Variants in RAB11FIP2 observed in about 807,000 individuals in gnomAD.
The protein encoded by RAB11FIP2 is RAB11 family interacting protein 2.
Under a neutral mutation model 40.9 loss-of-function variants are expected in RAB11FIP2, and 16 were observed. That is an observed-to-expected ratio of 0.39 (90% CI 0.26 to 0.59). RAB11FIP2 has a LOEUF of 0.59. RAB11FIP2 is among the 20% of genes least tolerant of loss of function. RAB11FIP2 has a pLI of 0.53. For synonymous variants in RAB11FIP2, 228 were observed against 213.7 expected, an observed-to-expected ratio of 1.07 and a Z score of -0.58; for missense variants, 532 against 606.2, an observed-to-expected ratio of 0.88 and a Z score of 1.28.
In RAB11FIP2 at chr10:118,005,425, T is replaced by C. The variant is rs1014086536; in HGVS notation, c.*3573A>G. On this transcript the variant is annotated 3_prime_UTR_variant, in exon 5 of 5. Coordinates refer to ENST00000355624, the MANE Select transcript of RAB11FIP2 (RefSeq NM_014904.3). ...ATTGCATATTAAATACTTCCAATGATTGCATCTGGATTATTAAAGTTCTAC... is the reference window on the plus strand; with the variant it reads ...ATTGCATATTAAATACTTCCAATGACTGCATCTGGATTATTAAAGTTCTAC... The C allele has an allele frequency of 3.9e-5, 6 of 152,758 alleles. No homozygotes were observed. In the Middle Eastern group the frequency reaches 0.01, roughly 260 times the overall value. The allele number at this position is 152,758 out of a possible 1,614,324, so 9.5% of individuals were successfully genotyped here.
At chr10:118,011,625 A>C (rs1159798585) in intron 4 of RAB11FIP2, among the ~76,000 whole-genome samples, 1 of 152,104 alleles carries the variant, frequency 6.6e-6, no homozygotes, top group Non-Finnish European at 1.5e-5. Context: ...GAGAGAAAGC[A>C]ACTTGGGTCT....
In RAB11FIP2 at chr10:118,045,992, G is replaced by T; in HGVS notation, c.172C>A (p.Pro58Thr). The change falls in exon 1 of 5, where the codon CCA (proline) becomes ACA (threonine). Residue 58 changes from proline to threonine, a missense_variant. Coordinates refer to ENST00000355624, the MANE Select transcript of RAB11FIP2 (RefSeq NM_014904.3). ...STSVAEKTLE[P>T]VWKEEASFEL... ...AAAGAGGCCTCCTCCTTCCAAACTG[G>T]CTCAAGGGTTTTCTCAGCTACAGAG... 1 of 1,614,192 alleles carries T rather than the reference G, an allele frequency of 6.2e-7. No individual in the cohort carries two copies. Among genetic ancestry groups the T allele is most frequent in the Non-Finnish European group, 8.5e-7 (1 of 1,180,046 alleles).
intron 3 of RAB11FIP2, among the ~76,000 whole-genome samples, chr10:118,035,260 T>G (rs765393737): frequency 2.6e-5 from 4 of 152,198 alleles, no homozygotes; most frequent in Non-Finnish European, 4.4e-5. Context: ...AAACTTTTGC[T>G]GTGATAAGCC....
In RAB11FIP2 at chr10:118,010,963, G is replaced by A. The variant is rs1234833788; in HGVS notation, c.1312-1738C>T. 2.0e-5 allele frequency among the ~76,000 whole-genome samples: 3 copies of A among 151,966 alleles called. No individual in the cohort carries two copies. The East Asian group carries it at 5.8e-4, about 29-fold the overall frequency. ...AAATAGACCACCAAGAATGCTGAAT[G>A]GTAGTATAAAGAATTTTTAGACTTT... On this transcript the variant is annotated intron_variant, in intron 4 of 4. Transcript: ENST00000355624.
intron 1 of RAB11FIP2, 66 bp downstream of exon 1, chr10:118,045,745 C>G: frequency 7.5e-7 from 1 of 1,331,644 alleles, no homozygotes; most frequent in Non-Finnish European, 1.0e-6. Context: ...GGATAATTTC[C>G]AAGAACAGAA....
intron 1 of RAB11FIP2, chr10:118,043,535 T>C (rs1846588962): frequency 6.6e-6 from 1 of 152,066 alleles, no homozygotes; most frequent in African/African-American, 2.4e-5. Flanking sequence ...TCCCCATTCC[T>C]TAAGAGAGAA....
Position 118,046,518 on chromosome 10 carries a change from C to CG in RAB11FIP2, c.-356_-355insC. 1.0e-5 allele frequency: 2 copies of CG among 198,468 alleles called. No homozygotes were observed. Among genetic ancestry groups the CG allele is most frequent in the Non-Finnish European group, 2.0e-5 (2 of 98,526 alleles). 12.3% of individuals were successfully genotyped at this position (198,468 alleles called of 1,614,324 possible). A position where few individuals can be genotyped will look rare whatever the true frequency, so the allele number is the denominator to read the frequency against. ...GGAGGGCTGCGGGGGTGAAGGGAGC[C>CG]CCCGCCCCAATTCTGCACCCCTGGC... On this transcript the variant is annotated 5_prime_UTR_variant, in exon 1 of 5. Coordinates refer to ENST00000355624, the MANE Select transcript of RAB11FIP2 (RefSeq NM_014904.3).
At chr10:118,014,151 T>C (rs1208368978) in intron 4 of RAB11FIP2, among the ~76,000 whole-genome samples, 1 of 152,092 alleles carries the variant, frequency 6.6e-6, no homozygotes, top group Non-Finnish European at 1.5e-5. Flanking sequence ...TAGAATGGTT[T>C]AGAAAATAAA....
Position 118,039,338 on chromosome 10 carries a change from T to C in RAB11FIP2, c.899A>G (p.Gln300Arg). 1.2e-6 allele frequency: 2 copies of C among 1,613,732 alleles called. No individual in the cohort carries two copies. Among genetic ancestry groups the C allele is most frequent in the Non-Finnish European group, 1.7e-6 (2 of 1,179,706 alleles). The part of the protein sequence containing the change: ...VDEGELCFGR[Q>R]NDPFTNVTAS... ...AGTCACATTTGTAAATGGGTCATTT[T>C]GTCTTCCGAAACACAATTCACCTTC... The change falls in exon 3 of 5, where the codon CAA becomes CGA. Residue 300 changes from glutamine to arginine, a missense_variant. Coordinates refer to ENST00000355624, the MANE Select transcript of RAB11FIP2 (RefSeq NM_014904.3).
chr10:118,025,024 C>T (rs1407964431), intron 3 of RAB11FIP2, among the ~76,000 whole-genome samples: 1 of 151,654 alleles, frequency 6.6e-6, no homozygotes, highest in African/African-American at 2.4e-5. Context: ...ACACTTGCTT[C>T]TTAGAAGCAA....
intron 1 of RAB11FIP2, 191 bp downstream of exon 1, chr10:118,045,620 T>G: frequency 1.8e-6 from 1 of 555,958 alleles, no homozygotes; most frequent in Non-Finnish European, 3.2e-6. Flanking sequence ...GGATCATTAA[T>G]GATTCCATTT....
chr10:118,012,231 T>C (rs549863782), intron 4 of RAB11FIP2, among the ~76,000 whole-genome samples: 1 of 152,118 alleles, frequency 6.6e-6, no homozygotes, highest in South Asian at 2.1e-4. Flanking sequence ...ATTTTTTTTT[T>C]CCTTACAACA....
chr10:118,013,673 C>T (rs1846182325), intron 4 of RAB11FIP2, among the ~76,000 whole-genome samples: 1 of 152,044 alleles, frequency 6.6e-6, no homozygotes, highest in Admixed American at 6.6e-5. Flanking sequence ...AATCCTTTAA[C>T]TGTCATTTAG....
At chr10:118,024,089 T>TAAA (rs11410516) in intron 3 of RAB11FIP2, among the ~76,000 whole-genome samples, 1 of 127,000 alleles carries the variant, frequency 7.9e-6, no homozygotes, top group Non-Finnish European at 1.7e-5. Flanking sequence ...GACTCTGTCT[T>TAAA]AAAAAAAAAA....
intron 3 of RAB11FIP2, among the ~76,000 whole-genome samples, chr10:118,032,017 G>C (rs1019593108): frequency 1.3e-5 from 2 of 151,812 alleles, no homozygotes; most frequent in African/African-American, 4.8e-5. Context: ...ATCACACAGA[G>C]TAGTAGGCTT....
intron 3 of RAB11FIP2, among the ~76,000 whole-genome samples, chr10:118,021,465 C>T (rs1289282414): frequency 1.3e-5 from 2 of 152,228 alleles, no homozygotes; most frequent in Non-Finnish European, 2.9e-5. Flanking sequence ...TCCCAGTTGT[C>T]TCCTAATCCA....
At chr10:118,041,084 T>G (rs1432736108) in intron 1 of RAB11FIP2, among the ~76,000 whole-genome samples, 1 of 152,092 alleles carries the variant, frequency 6.6e-6, no homozygotes, top group Non-Finnish European at 1.5e-5. Context: ...CAAAAGAATT[T>G]TGTTAACATT....
chr10:118,008,952 CTT>C lies in RAB11FIP2; in HGVS notation c.*44_*45del. On this transcript the variant is annotated 3_prime_UTR_variant, in exon 5 of 5. Coordinates refer to ENST00000355624, the MANE Select transcript of RAB11FIP2 (RefSeq NM_014904.3). The stretch of plus-strand genomic sequence containing the variant: ...CAAGTTTTTCCTTCCTTCCTTCTTT[CTT>C]TCTCTCTCTTTGTCCAATTATCAAT... 1 of 1,473,996 alleles carries C rather than the reference CTT, an allele frequency of 6.8e-7. No individual in the cohort carries two copies. Among genetic ancestry groups the C allele is most frequent in the South Asian group, 1.2e-5 (1 of 84,388 alleles). The allele number at this position is 1,473,996 out of a possible 1,614,324, so 91.3% of individuals were successfully genotyped here. A position where few individuals can be genotyped will look rare whatever the true frequency, so the allele number is the denominator to read the frequency against.
At chr10:118,024,473 G>A (rs1357874987) in intron 3 of RAB11FIP2, among the ~76,000 whole-genome samples, 1 of 85,832 alleles carries the variant, frequency 1.2e-5, no homozygotes, top group Admixed American at 1.3e-4. Flanking sequence ...TCATCATCGT[G>A]TGTGTGTGTG....
Sources: gnomAD v4.1 joint callset for allele counts (sites outside exome capture counted in the v4.1 genomes callset) on GRCh38, gnomAD v4.1.1 for gene constraint, MANE v1.5 for transcripts, NCBI Gene and HGNC (gene_info 2026-07-23, HGNC 2026-07-21) for gene names.